The following OGDH variants were observed in gnomAD, a reference collection of about 807,000 sequenced individuals.
OGDH encodes the protein oxoglutarate dehydrogenase.
A neutral mutation model predicts 116.6 loss-of-function variants in OGDH; 38 were observed. The ratio of observed to expected loss-of-function variants is 0.33; its 90% CI spans 0.25 to 0.43. The LOEUF (loss-of-function observed/expected upper bound fraction) is 0.43, where lower values mean the gene tolerates loss of function less well. Ranked by LOEUF, OGDH falls within the 20% of genes least tolerant of loss-of-function variation. OGDH has a pLI of 1.00. For missense variants in OGDH, 825 were observed against 1,357.2 expected (o/e 0.61, Z 6.16); for synonymous variants, 488 against 533.3 (o/e 0.92, Z 1.17).
intron 1 of OGDH, among the ~76,000 whole-genome samples, chr7:44,617,535 G>T (rs961001581): frequency 6.6e-6 from 1 of 152,176 alleles, no homozygotes; most frequent in Non-Finnish European, 1.5e-5. Flanking sequence ...ATGTAATGAG[G>T]TGTCACTAGT....
At chr7:44,703,010 C>T (rs1445914338) in intron 20 of OGDH, among the ~76,000 whole-genome samples, 20 of 152,166 alleles carry the variant, frequency 1.3e-4, no homozygotes, top group Admixed American at 1.3e-3. Flanking sequence ...CTCTATGGAA[C>T]TCATAAGTGA....
intron 4 of OGDH, among the ~76,000 whole-genome samples, chr7:44,658,292 T>A (rs939695784): frequency 1.3e-5 from 2 of 152,158 alleles, no homozygotes; most frequent in African/African-American, 2.4e-5. Context: ...TTTTTGTAGT[T>A]TTCAGCATAT....
chr7:44,694,563 A>T lies in OGDH; in HGVS notation c.1655A>T (p.Gln552Leu). ...CTGGTGTCGCAGGGTGTGGTCAACCAGCCTGAGTATGAGGTACGTCCCTGC... is the reference window on the plus strand; with the variant it reads ...CTGGTGTCGCAGGGTGTGGTCAACCTGCCTGAGTATGAGGTACGTCCCTGC... ...ELLVSQGVVN[Q>L]PEYEEEISKY... The change falls in exon 12 of 23, where the codon CAG becomes CTG. Residue 552 changes from glutamine (Q) to leucine (L), a missense_variant. Gln to Leu is a moderately radical substitution (Grantham distance 113, BLOSUM62 -2). Around this residue, in one of 7 missense-constraint regions of OGDH, gnomAD observed 146 missense variants for 317.3 expected, o/e 0.46. Coordinates refer to ENST00000222673, the MANE Select transcript of OGDH (RefSeq NM_002541.4). This position sits in a 1 kb window ranked among gnomAD's most constrained non-coding sequence, Gnocchi z 4.2. The T allele has an allele frequency of 6.2e-7, 1 of 1,614,156 alleles. No individual in the cohort carries two copies. Among genetic ancestry groups the T allele is most frequent in the South Asian group, 1.1e-5 (1 of 91,078 alleles).
chr7:44,698,670 G>A (rs1181655676), intron 18 of OGDH, among the ~76,000 whole-genome samples: 1 of 151,818 alleles, frequency 6.6e-6, no homozygotes, highest in Non-Finnish European at 1.5e-5. Flanking sequence ...GTGAGACCCC[G>A]TCTCTACAAA....
At chr7:44,651,008 A>G (rs1464062015) in intron 4 of OGDH, among the ~76,000 whole-genome samples, 1 of 152,240 alleles carries the variant, frequency 6.6e-6, no homozygotes, top group Admixed American at 6.5e-5. Flanking sequence ...CCATGTTGGA[A>G]CATAGCCTTT....
chr7:44,671,047 A>T (rs974730720), intron 5 of OGDH, among the ~76,000 whole-genome samples: 1 of 151,910 alleles, frequency 6.6e-6, no homozygotes, highest in Non-Finnish European at 1.5e-5. Flanking sequence ...AAAAAAGAAA[A>T]TATGGTTTGG....
At chr7:44,616,678 T>C (rs975713058) in intron 1 of OGDH, among the ~76,000 whole-genome samples, 1 of 146,808 alleles carries the variant, frequency 6.8e-6, no homozygotes, top group Admixed American at 6.9e-5. Flanking sequence ...TACGTATATA[T>C]ACACATATGT....
At position 44,653,166 on chromosome 7, in the gene OGDH, T is replaced by C. The variant is rs912942862; in HGVS notation, c.517+5407T>C. ...TGGAGTGCAGTGGTGCAATGTCAGC[T>C]CACTGCAACCTCCACCTCCAGGTTC... On this transcript the variant is annotated intron_variant, in intron 4 of 22. Transcript: ENST00000222673. Among the ~76,000 whole-genome samples, 154 of 152,116 alleles carry C rather than the reference T, an allele frequency of 1.0e-3. 1 individual carries two copies. Among genetic ancestry groups the C allele is most frequent in the Admixed American group, 0.01 (153 of 15,264 alleles).
At chr7:44,676,213 C>G in intron 9 of OGDH, 64 bp downstream of exon 9, 2 of 1,613,552 alleles carry the variant, frequency 1.2e-6, no homozygotes, top group Non-Finnish European at 1.7e-6. Flanking sequence ...CATGGAGTTC[C>G]GCTCACCAAC....
intron 9 of OGDH, chr7:44,676,356 G>A (rs1046276880): frequency 4.7e-6 from 5 of 1,058,252 alleles, no homozygotes; most frequent in Non-Finnish European, 5.3e-6. Flanking sequence ...GGGAGTTGGA[G>A]ACCAGCCTGA....
intron 13 of OGDH, 115 bp from the exon 14 acceptor site, chr7:44,696,314 A>G: frequency 1.5e-6 from 2 of 1,331,072 alleles, no homozygotes; most frequent in Non-Finnish European, 2.1e-6. Flanking sequence ...TGGGGAACAC[A>G]GTGTGAGCTA....
chr7:44,614,040 G>A (rs954094353), intron 1 of OGDH, among the ~76,000 whole-genome samples: 1 of 150,096 alleles, frequency 6.7e-6, no homozygotes, highest in Non-Finnish European at 1.5e-5. Flanking sequence ...TCCCAAACTC[G>A]GGCCATCCGC....
intron 4 of OGDH, among the ~76,000 whole-genome samples, chr7:44,654,754 G>A (rs1245477232): frequency 6.6e-6 from 1 of 152,092 alleles, no homozygotes; most frequent in Non-Finnish European, 1.5e-5. Context: ...TTCTTTGACT[G>A]GAGATACCCA....
intron 10 of OGDH, among the ~76,000 whole-genome samples, chr7:44,683,753 A>G (rs891149200): frequency 6.6e-6 from 1 of 152,170 alleles, no homozygotes; most frequent in Non-Finnish European, 1.5e-5. Context: ...TATTTTCAGT[A>G]AGGCTGTGAT....
intron 4 of OGDH, 119 bp from the exon 5 acceptor site, chr7:44,666,617 T>G: frequency 2.3e-6 from 1 of 443,524 alleles, no homozygotes. Context: ...TTTATATGAT[T>G]TTTTTCTTCT....
chr7:44,660,010 G>A (rs74673950), intron 4 of OGDH, among the ~76,000 whole-genome samples: 6,409 of 152,134 alleles, frequency 0.042, 176 homozygotes, highest in East Asian at 0.086. Context: ...CTAGGAATGG[G>A]AACTTAGATT....
chr7:44,706,467 A>G (rs1789077042), intron 20 of OGDH, among the ~76,000 whole-genome samples: 1 of 149,160 alleles, frequency 6.7e-6, no homozygotes, highest in South Asian at 2.1e-4. Flanking sequence ...GATTACAGGC[A>G]TGCGCCACCA....
chr7:44,612,078 A>G (rs927310361), intron 1 of OGDH, among the ~76,000 whole-genome samples: 1 of 152,188 alleles, frequency 6.6e-6, no homozygotes, highest in Non-Finnish European at 1.5e-5. Flanking sequence ...TATGTGGTTT[A>G]AAGTTTGAGT....
chr7:44,696,044 A>G lies in OGDH; in HGVS notation c.1688A>G (p.Asp563Gly), dbSNP rs1224236933. 3.1e-6 allele frequency: 5 copies of G among 1,610,682 alleles called. No homozygotes were observed. Among genetic ancestry groups the G allele is most frequent in the Admixed American group, 1.7e-5 (1 of 59,994 alleles). ...PEYEEEISKYDKICEEAFARS... is the reference protein window; with the variant it reads ...PEYEEEISKYGKICEEAFARS... ...CTCCAGGAGGAAATTTCCAAGTATG[A>G]TAAGATCTGTGAGGAAGCTTTTGCC... The change falls in exon 13 of 23, where the codon GAT becomes GGT. Residue 563 changes from aspartate (D) to glycine (G), a missense_variant. Physicochemically the swap from Asp to Gly is moderately conservative, Grantham distance 94. Coordinates refer to ENST00000222673, the MANE Select transcript of OGDH (RefSeq NM_002541.4).
Sources: allele counts gnomAD v4.1 joint callset (sites outside exome capture counted in the v4.1 genomes callset), GRCh38; gene constraint gnomAD v4.1.1; regional missense constraint gnomAD v4.1.1; non-coding constraint Gnocchi (gnomAD v3.1); transcripts MANE v1.5; gene names NCBI Gene and HGNC (gene_info 2026-07-23, HGNC 2026-07-21).